PLXNC1: variants seen among roughly 807,000 people sequenced by gnomAD.
The protein encoded by PLXNC1 is plexin C1, also known as plexin-C1.
PLXNC1 carries 75 observed loss-of-function variants against 178.2 expected under a neutral mutation model. That is an observed-to-expected ratio of 0.42 (90% CI 0.35 to 0.51). PLXNC1 has a LOEUF of 0.51. Ranked by LOEUF, PLXNC1 falls within the 20% of genes least tolerant of loss-of-function variation. The pLI is 0.02. For synonymous variants in PLXNC1, 790 were observed against 779.9 expected (o/e 1.01, Z -0.22); for missense variants, 1,503 against 1,984.4 (o/e 0.76, Z 4.61).
intron 21 of PLXNC1, among the ~76,000 whole-genome samples, chr12:94,266,349 G>C (rs1452343965): frequency 1.3e-5 from 2 of 152,208 alleles, no homozygotes; most frequent in Non-Finnish European, 2.9e-5. Flanking sequence ...AAGCTGAGCT[G>C]AAAGTCAACA....
At chr12:94,226,583 A>T in intron 7 of PLXNC1, 22 bp from the exon 8 acceptor site, 1 of 1,549,000 alleles carries the variant, frequency 6.5e-7, no homozygotes. Context: ...GCAGGAATTA[A>T]GTCAGTTTTC....
intron 24 of PLXNC1, among the ~76,000 whole-genome samples, chr12:94,296,775 TATA>T (rs754395721): frequency 6.6e-6 from 1 of 152,226 alleles, no homozygotes; most frequent in South Asian, 2.1e-4. Context: ...TTATCACAGT[TATA>T]ATAATTGTGT....
chr12:94,197,207 C>G (rs894935229), intron 4 of PLXNC1, among the ~76,000 whole-genome samples: 4 of 152,066 alleles, frequency 2.6e-5, no homozygotes, highest in Middle Eastern at 3.4e-3. Context: ...TGCAGAGTCC[C>G]CTTTGCCATG....
intron 1 of PLXNC1, among the ~76,000 whole-genome samples, chr12:94,156,434 C>A (rs1961167595): frequency 6.6e-6 from 1 of 152,072 alleles, no homozygotes; most frequent in Non-Finnish European, 1.5e-5. Context: ...TACTCCCTCC[C>A]ACCTGAGTAT....
chr12:94,259,892 G>T (rs1325199632), intron 19 of PLXNC1, among the ~76,000 whole-genome samples, 158 bp downstream of exon 19: 5 of 129,346 alleles, frequency 3.9e-5, no homozygotes, highest in East Asian at 2.1e-4. Context: ...GCAAAACCTT[G>T]TCTCTACAAA....
intron 28 of PLXNC1, among the ~76,000 whole-genome samples, chr12:94,302,617 C>T (rs374977192): frequency 8.5e-5 from 13 of 152,224 alleles, no homozygotes; most frequent in African/African-American, 3.1e-4. Flanking sequence ...CTCACAAGTA[C>T]CAAATAAGGT....
chr12:94,216,390 A>G (rs868750761), intron 5 of PLXNC1, among the ~76,000 whole-genome samples: 1 of 152,222 alleles, frequency 6.6e-6, no homozygotes, highest in Non-Finnish European at 1.5e-5. Flanking sequence ...TACACCAAAA[A>G]GTAAGTGGGC....
At chr12:94,291,318 C>G (rs1967298306) in intron 23 of PLXNC1, among the ~76,000 whole-genome samples, 1 of 152,202 alleles carries the variant, frequency 6.6e-6, no homozygotes, top group African/African-American at 2.4e-5. Context: ...TCACTGCACC[C>G]TTGACCTCCC....
Position 94,260,595 on chromosome 12 carries a change from C to T in PLXNC1, c.3252-47C>T. The T allele has an allele frequency of 6.9e-7, 1 of 1,443,552 alleles. No individual in the cohort carries two copies. Among genetic ancestry groups the T allele is most frequent in the East Asian group, 2.3e-5 (1 of 43,744 alleles). 89.4% of individuals were successfully genotyped at this position (1,443,552 alleles called of 1,614,324 possible). ...TTCCATGGAAACTCCCATGGGTGTC[C>T]AGCTAGGCCTGCAGCCAATGGTTCA... On this transcript the variant is annotated intron_variant, in intron 19 of 30. Transcript: ENST00000258526. The surrounding 1 kb of genome is among the most constrained non-coding windows in gnomAD (Gnocchi z 4.4).
At chr12:94,296,406 C>A (rs893188449) in intron 24 of PLXNC1, among the ~76,000 whole-genome samples, 16 of 152,218 alleles carry the variant, frequency 1.1e-4, no homozygotes, top group Admixed American at 1.0e-3. Context: ...GGCAGTCCTC[C>A]TGCCTTGGCT....
chr12:94,243,874 T>C, intron 11 of PLXNC1, 64 bp from the exon 12 acceptor site: 1 of 733,126 alleles, frequency 1.4e-6, no homozygotes, highest in Non-Finnish European at 2.3e-6. Context: ...ATAGCTTTGT[T>C]CATAAATGCA....
chr12:94,186,514 A>G, intron 4 of PLXNC1, 41 bp downstream of exon 4: 2 of 1,309,692 alleles, frequency 1.5e-6, no homozygotes, highest in Non-Finnish European at 2.2e-6. Flanking sequence ...CATTTTTGAA[A>G]AAGTGTCATG....
At chr12:94,229,943 C>A (rs187319948) in intron 9 of PLXNC1, among the ~76,000 whole-genome samples, 64 of 152,330 alleles carry the variant, frequency 4.2e-4, no homozygotes, top group Non-Finnish European at 2.9e-5. Flanking sequence ...TACTTAATAT[C>A]TTTTACCCAG....
At chr12:94,256,502 A>G (rs1368530094) in intron 17 of PLXNC1, among the ~76,000 whole-genome samples, 1 of 152,090 alleles carries the variant, frequency 6.6e-6, no homozygotes, top group African/African-American at 2.4e-5. Context: ...ACCGAGATCT[A>G]CCATTTGCCA....
At chr12:94,258,303 T>TG (rs1383053465) in intron 17 of PLXNC1, among the ~76,000 whole-genome samples, 1 of 152,206 alleles carries the variant, frequency 6.6e-6, no homozygotes, top group African/African-American at 2.4e-5. Context: ...TTTGTTTTTT[T>TG]GGGGCTTTTT....
At chr12:94,185,187 G>A (rs999606923) in intron 3 of PLXNC1, among the ~76,000 whole-genome samples, 1 of 152,254 alleles carries the variant, frequency 6.6e-6, no homozygotes, top group South Asian at 2.1e-4. Context: ...TCAGGATCAC[G>A]GGCTGCCAGC....
chr12:94,164,661 G>GCACACACACACA (rs3060912), intron 1 of PLXNC1, among the ~76,000 whole-genome samples: 5 of 148,716 alleles, frequency 3.4e-5, no homozygotes, highest in African/African-American at 1.2e-4. Context: ...ATGACTCCCT[G>GCACACACACACA]CACACACACA....
intron 24 of PLXNC1, 107 bp downstream of exon 24, chr12:94,294,647 T>A (rs996889990): frequency 1.7e-6 from 1 of 595,886 alleles, no homozygotes; most frequent in African/African-American, 1.9e-5. Flanking sequence ...GAGTTGTTGC[T>A]ATGTAATTCT....
chr12:94,154,212 T>C (rs759064571), intron 1 of PLXNC1, among the ~76,000 whole-genome samples: 1 of 152,212 alleles, frequency 6.6e-6, no homozygotes, highest in African/African-American at 2.4e-5. Flanking sequence ...GGACTGTAGT[T>C]ATCATGATGA....
Sources: allele counts gnomAD v4.1 joint callset (sites outside exome capture counted in the v4.1 genomes callset), GRCh38; gene constraint gnomAD v4.1.1; non-coding constraint Gnocchi (gnomAD v3.1); transcripts MANE v1.5; gene names NCBI Gene and HGNC (gene_info 2026-07-23, HGNC 2026-07-21).